The following TCF4 variants were observed in gnomAD, a reference collection of about 807,000 sequenced individuals.
TCF4 encodes the protein SL3-3 enhancer factor 2.
TCF4 carries 3 observed loss-of-function variants against 82.1 expected under a neutral mutation model. The observed-to-expected ratio is 0.04, with a 90% confidence interval of 0.02 to 0.09. The LOEUF is 0.09. Ranked by LOEUF, TCF4 falls within the 10% of genes least tolerant of loss-of-function variation. The probability of loss-of-function intolerance (pLI) is 1.00; values close to 1 mark genes in which losing one functional copy is unlikely to be tolerated. For missense variants in TCF4, 518 were observed against 852.7 expected (o/e 0.61, Z 4.89); for synonymous variants, 276 against 309.6 (o/e 0.89, Z 1.14).
At chr18:55,460,109 T>C (rs2095844803) in intron 5 of TCF4, among the ~76,000 whole-genome samples, 1 of 152,186 alleles carries the variant, frequency 6.6e-6, no homozygotes, top group African/African-American at 2.4e-5. Context: ...AAAAATATAA[T>C]CATCGCTGTG....
At chr18:55,349,291 G>T (rs1351633392) in intron 8 of TCF4, among the ~76,000 whole-genome samples, 1 of 151,964 alleles carries the variant, frequency 6.6e-6, no homozygotes, top group African/African-American at 2.4e-5. Flanking sequence ...TAATTGTTTG[G>T]ATGAGCTGAA....
At chr18:55,302,713 G>C (rs1479677209) in intron 8 of TCF4, 4 of 1,177,318 alleles carry the variant, frequency 3.4e-6, no homozygotes, top group Non-Finnish European at 4.6e-6. Flanking sequence ...CATGAAGAAG[G>C]GGAGGTGGGA....
At position 55,420,565 on chromosome 18, in the gene TCF4, CG is replaced by C. The variant is rs78068020; in HGVS notation, c.305-17048del. On this transcript the variant is annotated intron_variant, in intron 5 of 19. Coordinates refer to ENST00000354452, the MANE Select transcript of TCF4 (RefSeq NM_001083962.2). ...ACAACAAAAGCAAGTCCCAGGATTCCGGGGGCTAATACCATGCTAGGCATTA... is the reference window on the plus strand; with the variant it reads ...ACAACAAAAGCAAGTCCCAGGATTCCGGGGCTAATACCATGCTAGGCATTA... 0.019 allele frequency among the ~76,000 whole-genome samples: 2,926 copies of C among 152,166 alleles called. 247 individuals are homozygous for C. The East Asian group carries it at 0.27, about 14-fold the overall frequency.
chr18:55,593,818 G>C (rs2097688160), intron 2 of TCF4, among the ~76,000 whole-genome samples: 1 of 152,064 alleles, frequency 6.6e-6, no homozygotes, highest in Admixed American at 6.6e-5. Flanking sequence ...CTCAGGACCT[G>C]AGGCAAAAAT....
intron 5 of TCF4, among the ~76,000 whole-genome samples, chr18:55,416,083 G>A (rs908937524): frequency 2.6e-5 from 4 of 151,908 alleles, no homozygotes; most frequent in African/African-American, 9.7e-5. Context: ...TTTGCTTTGG[G>A]GTTTACAGTA....
chr18:55,423,079 T>C (rs1346448218), intron 5 of TCF4, among the ~76,000 whole-genome samples: 1 of 150,990 alleles, frequency 6.6e-6, no homozygotes, highest in Non-Finnish European at 1.5e-5. Flanking sequence ...TTGGGGGAAG[T>C]TGAAAAGGGC....
At chr18:55,237,288 T>A (rs1261152555) in intron 15 of TCF4, among the ~76,000 whole-genome samples, 1 of 152,154 alleles carries the variant, frequency 6.6e-6, no homozygotes, top group Non-Finnish European at 1.5e-5. Flanking sequence ...ATCTTTCCCC[T>A]ATACAATGAC....
chr18:55,381,946 A>G (rs1264610650), intron 6 of TCF4, among the ~76,000 whole-genome samples: 6 of 151,384 alleles, frequency 4.0e-5, no homozygotes, highest in Admixed American at 6.6e-5. Context: ...ATTCTAAGTG[A>G]TTTACTAAAA....
rs1568084636 is a variant in TCF4, at chr18:55,455,200, A to AAAAG, written c.304+5815_304+5818dup. Reference sequence around the variant, plus strand: ...GTCTCAAAAAAAAAAAAAAAAAAAAAAAAGAAAAGAAAAAGAAGAAGGAGA... The same window carrying AAAAG: ...GTCTCAAAAAAAAAAAAAAAAAAAAAAAAGAAAGAAAAGAAAAAGAAGAAGGAGA... On this transcript the variant is annotated intron_variant, in intron 5 of 19. Transcript: ENST00000354452. Among the ~76,000 whole-genome samples the AAAAG allele has an allele frequency of 1.7e-4, 24 of 145,030 alleles. 2 individuals carry two copies. Among genetic ancestry groups the AAAAG allele is most frequent in the East Asian group, 2.1e-4 (1 of 4,844 alleles).
chr18:55,264,080 T>C (rs527688085), intron 11 of TCF4, among the ~76,000 whole-genome samples: 2 of 152,240 alleles, frequency 1.3e-5, no homozygotes, highest in East Asian at 3.9e-4. Context: ...AAACTAAATA[T>C]ATACGCCCCA....
intron 3 of TCF4, among the ~76,000 whole-genome samples, chr18:55,536,578 T>C (rs549300499): frequency 1.5e-4 from 23 of 152,314 alleles, no homozygotes; most frequent in East Asian, 1.9e-4. Flanking sequence ...AAAAAATGTA[T>C]AGTTATTAGA....
At chr18:55,268,680 CT>C (rs1256450024) in intron 11 of TCF4, 1 of 152,084 alleles carries the variant, frequency 6.6e-6, no homozygotes, top group African/African-American at 2.4e-5. Context: ...CAAAACACAT[CT>C]CTCCTCCAAC....
At chr18:55,468,710 G>A (rs1260891095) in intron 3 of TCF4, among the ~76,000 whole-genome samples, 1 of 152,154 alleles carries the variant, frequency 6.6e-6, no homozygotes, top group East Asian at 1.9e-4. Context: ...ATTGAAATGA[G>A]TTAAAACAGC....
chr18:55,376,413 G>A (rs1293440646), intron 6 of TCF4, among the ~76,000 whole-genome samples: 1 of 152,172 alleles, frequency 6.6e-6, no homozygotes, highest in Non-Finnish European at 1.5e-5. Context: ...AAGAAGGGGT[G>A]GCTCATTGGG....
At chr18:55,430,685 G>A (rs1026097060) in intron 5 of TCF4, among the ~76,000 whole-genome samples, 1 of 152,202 alleles carries the variant, frequency 6.6e-6, no homozygotes, top group East Asian at 1.9e-4. Context: ...CAAGTTAGAC[G>A]TTTTTAACAT....
chr18:55,564,264 T>G (rs975405800), intron 3 of TCF4, among the ~76,000 whole-genome samples: 1 of 152,234 alleles, frequency 6.6e-6, no homozygotes, highest in East Asian at 1.9e-4. Flanking sequence ...AATGAGGTTG[T>G]AGAGGTACCT....
chr18:55,597,516 A>G (rs772151202), intron 2 of TCF4, among the ~76,000 whole-genome samples: 1 of 151,910 alleles, frequency 6.6e-6, no homozygotes, highest in South Asian at 2.1e-4. Flanking sequence ...AAAATACACA[A>G]ATTAGCTGGG....
At chr18:55,312,410 C>T (rs2072796095) in intron 8 of TCF4, among the ~76,000 whole-genome samples, 1 of 152,178 alleles carries the variant, frequency 6.6e-6, no homozygotes, top group Non-Finnish European at 1.5e-5. Flanking sequence ...TTTGTCCTTT[C>T]TCATCTGTTT....
chr18:55,391,708 G>C (rs1341364217), intron 6 of TCF4, among the ~76,000 whole-genome samples: 1 of 151,718 alleles, frequency 6.6e-6, no homozygotes, highest in Non-Finnish European at 1.5e-5. Flanking sequence ...CGAGGTGGGC[G>C]GATCACTTGA....
Sources: allele counts gnomAD v4.1 joint callset (sites outside exome capture counted in the v4.1 genomes callset), GRCh38; gene constraint gnomAD v4.1.1; transcripts MANE v1.5; gene names NCBI Gene and HGNC (gene_info 2026-07-23, HGNC 2026-07-21).